Variants in RNF14 observed in about 807,000 individuals in gnomAD.
The protein encoded by RNF14 is E3 ubiquitin-protein ligase RNF14.
Under a neutral mutation model 52.6 loss-of-function variants are expected in RNF14, and 26 were observed. The observed-to-expected ratio is 0.49, with a 90% CI of 0.36 to 0.69. The LOEUF is 0.69. RNF14 is among the 30% of genes least tolerant of loss of function. The probability of loss-of-function intolerance (pLI) is 0.00; values close to 1 mark genes in which losing one functional copy is unlikely to be tolerated. For synonymous variants in RNF14, 194 were observed against 202.0 expected (o/e 0.96, Z 0.34); for missense variants, 404 against 560.4 (o/e 0.72, Z 2.82).
upstream of RNF14, among the ~76,000 whole-genome samples, chr5:141,962,604 A>G (rs1753283618): frequency 6.6e-6 from 1 of 152,250 alleles, no homozygotes; most frequent in Non-Finnish European, 1.5e-5. Flanking sequence ...CTGGAGAGCA[A>G]TACAGCAGAC....
intron 5 of RNF14, 151 bp downstream of exon 5, chr5:141,978,981 T>C (rs1021284895): frequency 1.8e-5 from 14 of 793,726 alleles, no homozygotes; most frequent in Non-Finnish European, 2.8e-5. Flanking sequence ...AAAAATGCTA[T>C]GGTCTTAGTC....
chr5:141,964,946 T>TAAA (rs200200162), upstream of RNF14, among the ~76,000 whole-genome samples: 11 of 150,336 alleles, frequency 7.3e-5, no homozygotes, highest in Admixed American at 1.3e-4. Flanking sequence ...TAATTTTTTT[T>TAAA]AAAAAAAAAC....
the RNF14 span, among the ~76,000 whole-genome samples, chr5:141,950,277 T>C: frequency 3.3e-5 from 5 of 152,268 alleles, no homozygotes; most frequent in African/African-American, 1.2e-4. Flanking sequence ...GCCTGGACCC[T>C]CATCCCAGCA....
chr5:141,975,047 G>T, intron 4 of RNF14, 92 bp downstream of exon 4: 1 of 1,355,210 alleles, frequency 7.4e-7, no homozygotes, highest in African/African-American at 1.5e-5. Context: ...TGAATTCAGT[G>T]CATGAAAAAC....
chr5:141,969,759 C>T (rs2126961742), intron 1 of RNF14: 1 of 152,308 alleles, frequency 6.6e-6, no homozygotes, highest in South Asian at 2.1e-4. Context: ...ACTACTGAGG[C>T]CTGAATTAAT....
chr5:141,955,916 G>A, upstream of RNF14: 1 of 1,614,224 alleles, frequency 6.2e-7, no homozygotes, highest in Non-Finnish European at 8.5e-7. The surrounding 1 kb of genome is among the most constrained non-coding windows in gnomAD (Gnocchi z 5.5). Context: ...AGGATGAAGA[G>A]GTGGGCTTCA....
At chr5:141,959,376 G>A (rs1378670163) in intron 1 of RNF14, among the ~76,000 whole-genome samples, 3 of 152,194 alleles carry the variant, frequency 2.0e-5, no homozygotes, top group Admixed American at 1.3e-4. Context: ...AGGTGAATGA[G>A]CAGTTTGCTT....
At chr5:141,977,122 A>G (rs1406826986) in intron 4 of RNF14, among the ~76,000 whole-genome samples, 3 of 152,244 alleles carry the variant, frequency 2.0e-5, no homozygotes, top group African/African-American at 7.2e-5. Context: ...GGACTGGGGT[A>G]GAAAAGAGGT....
At chr5:141,952,723 A>AT in the RNF14 span, 3 of 152,264 alleles carry the variant, frequency 2.0e-5, no homozygotes, top group African/African-American at 7.2e-5. Flanking sequence ...CTCATCTCTA[A>AT]TAGGGGGCTA....
upstream of RNF14, chr5:141,954,939 G>A (rs1753147765): frequency 6.3e-7 from 1 of 1,585,344 alleles, no homozygotes; most frequent in Non-Finnish European, 8.6e-7. Flanking sequence ...GTCCAGGAGT[G>A]ACCAGAGAAA....
At chr5:141,955,422 G>A, upstream of RNF14, 3 of 1,614,032 alleles carry the variant, frequency 1.9e-6, no homozygotes, top group Non-Finnish European at 2.5e-6. The surrounding 1 kb of genome is among the most constrained non-coding windows in gnomAD (Gnocchi z 5.5). Flanking sequence ...CCTGCAGGCA[G>A]GGGTCCCAGC....
chr5:141,964,802 T>C (rs1484039788), upstream of RNF14, among the ~76,000 whole-genome samples: 1 of 148,120 alleles, frequency 6.8e-6, no homozygotes, highest in Non-Finnish European at 1.5e-5. Context: ...TTTTTTTGTA[T>C]TTTTAGTAGA....
intron 1 of RNF14, among the ~76,000 whole-genome samples, chr5:141,970,383 AAAAC>A (rs1490935447): frequency 1.3e-5 from 2 of 152,200 alleles, no homozygotes; most frequent in East Asian, 1.9e-4. Flanking sequence ...AAAGGAGAAA[AAAAC>A]AAAACAAAAA....
chr5:141,963,457 A>G (rs1753290815), upstream of RNF14, among the ~76,000 whole-genome samples: 1 of 152,012 alleles, frequency 6.6e-6, no homozygotes, highest in Admixed American at 6.6e-5. Flanking sequence ...AAAATCAAAC[A>G]TATTGACTGG....
chr5:141,961,300 G>T (rs1295491368), intron 1 of RNF14, among the ~76,000 whole-genome samples: 1 of 152,130 alleles, frequency 6.6e-6, no homozygotes, highest in Admixed American at 6.6e-5. Flanking sequence ...GATTTCATAG[G>T]TGGTTTTTAT....
chr5:141,957,743 A>C (rs748451394), upstream of RNF14: 7 of 1,613,326 alleles, frequency 4.3e-6, no homozygotes, highest in East Asian at 8.9e-5. This position sits in a 1 kb window ranked among gnomAD's most constrained non-coding sequence, Gnocchi z 4.3. Flanking sequence ...ACTTCCTCTG[A>C]CACTTGGTAT....
At chr5:141,984,968 A>T in intron 8 of RNF14, 35 bp downstream of exon 8, 1 of 1,582,560 alleles carries the variant, frequency 6.3e-7, no homozygotes, top group Non-Finnish European at 8.7e-7. Flanking sequence ...GCTCACCAGC[A>T]ATTTTTGGTA....
chr5:141,985,025 C>A (rs1755113323), intron 8 of RNF14, 92 bp downstream of exon 8: 4 of 1,137,202 alleles, frequency 3.5e-6, no homozygotes, highest in Non-Finnish European at 5.1e-6. Flanking sequence ...AGTACTTGGA[C>A]TTATTTAGAG....
At chr5:141,973,305 G>A (rs1171534791) in intron 2 of RNF14, among the ~76,000 whole-genome samples, 1 of 145,104 alleles carries the variant, frequency 6.9e-6, no homozygotes, top group Non-Finnish European at 1.5e-5. Flanking sequence ...GTGGCGTGAT[G>A]TTGGCTCACT....
Sources: allele counts gnomAD v4.1 joint callset (sites outside exome capture counted in the v4.1 genomes callset), GRCh38; gene constraint gnomAD v4.1.1; non-coding constraint Gnocchi (gnomAD v3.1); transcripts MANE v1.5; gene names NCBI Gene and HGNC (gene_info 2026-07-23, HGNC 2026-07-21).